The following GPR101 variants were observed in gnomAD, a reference collection of about 807,000 sequenced individuals.
GPR101 encodes the protein G protein-coupled receptor 101.
A neutral mutation model predicts 16.4 loss-of-function variants in GPR101; 8 were observed. The observed-to-expected ratio is 0.49, with a 90% CI of 0.29 to 0.88. The LOEUF is 0.88. GPR101 is among the 40% of genes least tolerant of loss of function. GPR101 has a pLI of 0.09. For synonymous variants in GPR101, 155 were observed against 168.7 expected (o/e 0.92, Z 0.63); for missense variants, 375 against 411.7 (o/e 0.91, Z 0.77).
chrX:137,030,884 C>T lies in GPR101; in HGVS notation c.791G>A (p.Arg264His), dbSNP rs1350450536. The T allele has an allele frequency of 1.7e-6, 2 of 1,211,239 alleles. No homozygotes were observed. Among genetic ancestry groups the T allele is most frequent in the South Asian group, 3.5e-5 (2 of 56,900 alleles). Residue 264 changes from arginine to histidine, a missense_variant, in exon 2 of 2, where the codon CGC becomes CAC. Arg to His is a conservative substitution (Grantham distance 29). Coordinates refer to ENST00000651716, the MANE Select transcript of GPR101 (RefSeq NM_054021.2). ...GGCCTTGACCTCACCTTCATGCTGG[C>T]GGCGAAACTCACTCTCATCCTGGAA... Reference protein sequence around the residue: ...EEFQDESEFRRQHEGEVKAKE... With the variant: ...EEFQDESEFRHQHEGEVKAKE...
In GPR101 at chrX:137,029,928, G is replaced by A. The variant is rs1927224672; in HGVS notation, c.*220C>T. On this transcript the variant is annotated 3_prime_UTR_variant, in exon 2 of 2. Coordinates refer to ENST00000651716, the MANE Select transcript of GPR101 (RefSeq NM_054021.2). ...TGTAGAGCCTAATAATCTTTGGGGG[G>A]AAAATTTCAGTCAGAATCCTCAAGT... Among the ~76,000 whole-genome samples, 1 of 111,950 alleles carries A rather than the reference G, an allele frequency of 8.9e-6. No individual in the cohort carries two copies. The highest frequency in any genetic ancestry group is 3.8e-4 in the South Asian group (1 of 2,644).
At position 137,033,932 on chromosome X, in the gene GPR101, C is replaced by T. The variant is rs745373922; in HGVS notation, c.-223G>A. 8.9e-5 allele frequency among the ~76,000 whole-genome samples: 10 copies of T among 111,794 alleles called. No homozygotes were observed. Among genetic ancestry groups the T allele is most frequent in the African/African-American group, 3.2e-4 (10 of 31,040 alleles). On this transcript the variant is annotated 5_prime_UTR_variant, in exon 1 of 2. Transcript: ENST00000651716. The stretch of plus-strand genomic sequence containing the variant: ...CACGGGGCAGCGGGCGCTGCGGGCG[C>T]GGCAGGAGCGGGGCACAGCGTCTGT...
At position 137,029,795 on chromosome X, in the gene GPR101, G is replaced by T. The variant is rs1346772786; in HGVS notation, c.*353C>A. Among the ~76,000 whole-genome samples, 3 of 112,308 alleles carry T rather than the reference G, an allele frequency of 2.7e-5. No individual in the cohort carries two copies. The Admixed American group carries it at 2.8e-4, about 11-fold the overall frequency. On this transcript the variant is annotated 3_prime_UTR_variant, in exon 2 of 2. Transcript: ENST00000651716. ...GGCCGAAAAGTCCTTAAGTTCACAA[G>T]CATCATCTTCCCTTTCCTTCAGAGC...
rs1927255880 is a variant in GPR101, at chrX:137,031,147, A to C, written c.528T>G (p.Asp176Glu). Residue 176 changes from aspartate to glutamate, a missense_variant, in exon 2 of 2, where the codon GAT becomes GAG. Transcript: ENST00000651716. ...PLYGWGQAAF[D>E]ERNALCSMIW... ...TCATGGAGCAGAGAGCATTGCGCTC[A>C]TCAAAGGCAGCCTGGCCCCAGCCGT... The C allele has an allele frequency of 8.3e-7, 1 of 1,210,491 alleles. No homozygotes were observed. Among genetic ancestry groups the C allele is most frequent in the East Asian group, 3.0e-5 (1 of 33,783 alleles).
At position 137,031,421 on chromosome X, in the gene GPR101, G is replaced by T; in HGVS notation, c.254C>A (p.Ala85Asp). 1 of 1,189,770 alleles carries T rather than the reference G, an allele frequency of 8.4e-7. No homozygotes were observed. Among genetic ancestry groups the T allele is most frequent in the South Asian group, 1.9e-5 (1 of 52,608 alleles). The change falls in exon 2 of 2, where the codon GCC becomes GAC. Residue 85 changes from alanine (A) to aspartate (D), a missense_variant. Ala to Asp is a moderately radical substitution (Grantham distance 126, BLOSUM62 -2). Coordinates refer to ENST00000651716, the MANE Select transcript of GPR101 (RefSeq NM_054021.2). The stretch of plus-strand genomic sequence containing the variant: ...CACAGAGGTGGCCACCACCCAGGGG[G>T]CCACGAGCGAAATCTGCAGCAGGTC... ...VTDLLQISLV[A>D]PWVVATSVPL...
chrX:137,028,861 C>G lies in GPR101; in HGVS notation c.*1287G>C, dbSNP rs1459212994. 6.2e-5 allele frequency among the ~76,000 whole-genome samples: 7 copies of G among 112,494 alleles called. No homozygotes were observed. The highest frequency in any genetic ancestry group is 2.8e-4 in the Admixed American group (3 of 10,676). ...TTAGGATATGTCTGATCTGAATGCT[C>G]TGATTTTAGGACTGTTTGGAATAGG... On this transcript the variant is annotated 3_prime_UTR_variant, in exon 2 of 2. Coordinates refer to ENST00000651716, the MANE Select transcript of GPR101 (RefSeq NM_054021.2).
Position 137,031,712 on chromosome X carries a change from A to G in GPR101, c.-38T>C, listed in dbSNP as rs1176692526. Reference sequence around the variant, plus strand: ...AGGGCGTGAGACAGGTTGCAGGCTCAGTGCCGGCACCGGTGGGTGGCAAAG... The same window carrying G: ...AGGGCGTGAGACAGGTTGCAGGCTCGGTGCCGGCACCGGTGGGTGGCAAAG... On this transcript the variant is annotated 5_prime_UTR_variant, in exon 2 of 2. Transcript: ENST00000651716. The G allele has an allele frequency of 2.7e-6, 3 of 1,111,075 alleles. No individual in the cohort carries two copies. The highest frequency in any genetic ancestry group is 1.8e-5 in the African/African-American group (1 of 55,491). 91.6% of individuals were successfully genotyped at this position (1,111,075 alleles called of 1,213,427 possible).
In GPR101 at chrX:137,026,245, A is replaced by AG. The variant is rs1250233221; in HGVS notation, c.*3902dup. On this transcript the variant is annotated 3_prime_UTR_variant, in exon 2 of 2. Coordinates refer to ENST00000651716, the MANE Select transcript of GPR101 (RefSeq NM_054021.2). ...GGAATACAACAGAAAAGACATTATG[A>AG]GGGGAAAACACGTTATTTTTTTCCT... Among the ~76,000 whole-genome samples, 3 of 112,408 alleles carry AG rather than the reference A, an allele frequency of 2.7e-5. No individual in the cohort carries two copies. The highest frequency in any genetic ancestry group is 9.7e-5 in the African/African-American group (3 of 30,928).
chrX:137,030,648 G>C lies in GPR101; in HGVS notation c.1027C>G (p.Gln343Glu). 1 of 1,209,341 alleles carries C rather than the reference G, an allele frequency of 8.3e-7. No individual in the cohort carries two copies. The highest frequency in any genetic ancestry group is 3.0e-5 in the East Asian group (1 of 33,737). Residue 343 changes from glutamine (Q) to glutamate (E), a missense_variant, in exon 2 of 2, where the codon CAG becomes GAG. Gln to Glu is a conservative substitution (Grantham distance 29). Transcript: ENST00000651716. ...KADKGRTEVN[Q>E]CSIDLGEDDM... ...TCTTCACCCAAGTCAATGCTGCACT[G>C]GTTGACCTCTGTGCGACCCTTGTCT...
chrX:137,026,260 A>AT lies in GPR101; in HGVS notation c.*3887dup, dbSNP rs1011651238. 7.1e-5 allele frequency among the ~76,000 whole-genome samples: 8 copies of AT among 112,166 alleles called. No homozygotes were observed. Among genetic ancestry groups the AT allele is most frequent in the African/African-American group, 2.6e-4 (8 of 30,861 alleles). ...AGACATTATGAGGGGAAAACACGTT[A>AT]TTTTTTTCCTCAAAATATTGGGCAG... On this transcript the variant is annotated 3_prime_UTR_variant, in exon 2 of 2. Transcript: ENST00000651716.
At position 137,030,772 on chromosome X, in the gene GPR101, C is replaced by T; in HGVS notation, c.903G>A (p.Arg301=). 8.3e-7 allele frequency: 1 copy of T among 1,211,441 alleles called. No individual in the cohort carries two copies. Among genetic ancestry groups the T allele is most frequent in the Non-Finnish European group, 1.1e-6 (1 of 895,424 alleles). The part of the protein sequence containing the change: ...TGTSESSVEA[R]GSEEVRESST... ...TGCTCTCTCTGACCTCCTCGCTGCC[C>T]CTGGCCTCTACACTACTCTCACTGG... The change falls in exon 2 of 2, where the codon AGG becomes AGA. Residue 301 remains arginine (R), a synonymous_variant. Transcript: ENST00000651716.
In GPR101 at chrX:137,031,805, C is replaced by T. The variant is rs1327404605; in HGVS notation, c.-92-39G>A. On this transcript the variant is annotated intron_variant, in intron 1 of 1. Coordinates refer to ENST00000651716, the MANE Select transcript of GPR101 (RefSeq NM_054021.2). ...AAACACGCAGGCAGAGTTAGTCACC[C>T]GTCAAGGGGAGAAGCCTCCGCGCCC... is the stretch of plus-strand genomic sequence containing the variant. 5.4e-6 allele frequency: 3 copies of T among 553,570 alleles called. No individual in the cohort carries two copies. The Admixed American group carries it at 1.3e-4, about 24-fold the overall frequency. 45.6% of individuals were successfully genotyped at this position (553,570 alleles called of 1,213,427 possible).
chrX:137,027,295 A>ATT lies in GPR101; in HGVS notation c.*2851_*2852dup, dbSNP rs34085967. 3.2e-3 allele frequency among the ~76,000 whole-genome samples: 304 copies of ATT among 94,635 alleles called. 2 individuals carry two copies. The highest frequency in any genetic ancestry group is 0.016 in the Middle Eastern group (3 of 183). The allele number at this position is 94,635 out of a possible 115,157, so 82.2% of individuals were successfully genotyped here. A position where few individuals can be genotyped will look rare whatever the true frequency, so the allele number is the denominator to read the frequency against. On this transcript the variant is annotated 3_prime_UTR_variant, in exon 2 of 2. Coordinates refer to ENST00000651716, the MANE Select transcript of GPR101 (RefSeq NM_054021.2). ...TGTCTGGCCCCTGTACTTTAATGGG[A>ATT]TTTTTTTTTTTTTTTTTACTGCACA... is the stretch of plus-strand genomic sequence containing the variant.
At chrX:137,033,429 A>G (rs758876691) in intron 1 of GPR101, among the ~76,000 whole-genome samples, 93 of 109,740 alleles carry the variant, frequency 8.5e-4, no homozygotes, top group Non-Finnish European at 1.4e-3. Flanking sequence ...AGAGGGAGAA[A>G]GAAAGAAAAA....
rs1927218421 is a variant in GPR101 at position 137,029,573 on chromosome X, A to G, written c.*575T>C. Among the ~76,000 whole-genome samples the G allele has an allele frequency of 9.0e-6, 1 of 111,634 alleles. No individual in the cohort carries two copies. Among genetic ancestry groups the G allele is most frequent in the Non-Finnish European group, 1.9e-5 (1 of 53,100 alleles). ...GATCTAGAAACCTTCTTGAGATTCT[A>G]ACTGTAGGAGGCCCTTTGTTTTAGT... On this transcript the variant is annotated 3_prime_UTR_variant, in exon 2 of 2. Coordinates refer to ENST00000651716, the MANE Select transcript of GPR101 (RefSeq NM_054021.2).
Position 137,030,242 on chromosome X carries a change from G to C in GPR101, c.1433C>G (p.Pro478Arg), listed in dbSNP as rs1221773837. The C allele has an allele frequency of 8.3e-7, 1 of 1,209,454 alleles. No homozygotes were observed. Among genetic ancestry groups the C allele is most frequent in the African/African-American group, 1.8e-5 (1 of 57,070 alleles). ...MLKKFFCKEK[P>R]PKEDSHPDLP... The stretch of plus-strand genomic sequence containing the variant: ...GTCTGGGTGGCTATCTTCTTTCGGG[G>C]GCTTTTCCTTGCAGAAGAACTTCTT... Residue 478 changes from proline (P) to arginine (R), a missense_variant, in exon 2 of 2, where the codon CCC (proline) becomes CGC (arginine). Physicochemically the swap from Pro to Arg is moderately radical, Grantham distance 103 (BLOSUM62 -2). Coordinates refer to ENST00000651716, the MANE Select transcript of GPR101 (RefSeq NM_054021.2).
rs998619970 is a variant in GPR101, at chrX:137,026,158, A to G, written c.*3990T>C. Among the ~76,000 whole-genome samples the G allele has an allele frequency of 1.8e-5, 2 of 112,347 alleles. No individual in the cohort carries two copies. The highest frequency in any genetic ancestry group is 3.8e-5 in the Non-Finnish European group (2 of 53,285). Reference sequence around the variant, plus strand: ...GTTCCTGTAATCTTTTGTCTGGTCTAGAAGGAAACGGCATTTTGCTTAGAG... The same window carrying G: ...GTTCCTGTAATCTTTTGTCTGGTCTGGAAGGAAACGGCATTTTGCTTAGAG... On this transcript the variant is annotated 3_prime_UTR_variant, in exon 2 of 2. Transcript: ENST00000651716.
Position 137,029,712 on chromosome X carries a change from T to A in GPR101, c.*436A>T, listed in dbSNP as rs1334893706. 8.9e-6 allele frequency among the ~76,000 whole-genome samples: 1 copy of A among 112,148 alleles called. No homozygotes were observed. Among genetic ancestry groups the A allele is most frequent in the East Asian group, 2.8e-4 (1 of 3,599 alleles). ...GGGCTCCATGAATGATTTGGTCCAT[T>A]GCCTTTCTTTCAGTTGAACACAAGC... On this transcript the variant is annotated 3_prime_UTR_variant, in exon 2 of 2. Coordinates refer to ENST00000651716, the MANE Select transcript of GPR101 (RefSeq NM_054021.2).
rs968247978 is a variant in GPR101, at chrX:137,030,928, T to C, written c.747A>G (p.Gly249=). The C allele has an allele frequency of 6.6e-6, 8 of 1,211,738 alleles. No individual in the cohort carries two copies. Among genetic ancestry groups the C allele is most frequent in the Non-Finnish European group, 7.8e-6 (7 of 895,518 alleles). The change falls in exon 2 of 2, where the codon GGA becomes GGG. Residue 249 remains glycine (G), a synonymous_variant. Coordinates refer to ENST00000651716, the MANE Select transcript of GPR101 (RefSeq NM_054021.2). ...KDCVENEDEE[G]AEKKEEFQDE... ...CCTGGAACTCCTCCTTCTTCTCTGC[T>C]CCCTCTTCATCCTCATTCTCCACAC...
Sources: allele counts gnomAD v4.1 joint callset (sites outside exome capture counted in the v4.1 genomes callset), GRCh38; gene constraint gnomAD v4.1.1; transcripts MANE v1.5; gene names NCBI Gene and HGNC (gene_info 2026-07-23, HGNC 2026-07-21).